Variants in AGL observed in about 807,000 individuals in gnomAD.
AGL encodes glycogen debranching enzyme.
AGL carries 128 observed loss-of-function variants against 199.3 expected under a neutral mutation model. The observed-to-expected ratio is 0.64, with a 90% CI of 0.56 to 0.74. The LOEUF (loss-of-function observed/expected upper bound fraction) is 0.74. AGL is among the 30% of genes least tolerant of loss of function. The pLI, the probability that AGL is intolerant of heterozygous loss-of-function variation, is 0.00. For synonymous variants in AGL, 584 were observed against 594.7 expected (o/e 0.98, Z 0.26); for missense variants, 1,809 against 1,820.8 (o/e 0.99, Z 0.12).
At chr1:99,857,989 A>G (rs984114592) in intron 2 of AGL, among the ~76,000 whole-genome samples, 2 of 152,248 alleles carry the variant, frequency 1.3e-5, no homozygotes, top group Non-Finnish European at 2.9e-5. Context: ...CAAACAAAAA[A>G]GGCATACTCA....
chr1:99,880,108 A>T, intron 13 of AGL, 62 bp downstream of exon 13: 1 of 1,604,268 alleles, frequency 6.2e-7, no homozygotes, highest in East Asian at 2.2e-5. Context: ...AGATTAAAGG[A>T]TTTAATAGCT....
At chr1:99,884,749 G>C (rs772003726) in intron 20 of AGL, 46 bp downstream of exon 20, 1 of 1,607,536 alleles carries the variant, frequency 6.2e-7, no homozygotes, top group South Asian at 1.1e-5. Context: ...TAATAAGTAA[G>C]TTACCACTAG....
intron 7 of AGL, among the ~76,000 whole-genome samples, chr1:99,873,849 C>G (rs1399398831): frequency 2.0e-5 from 3 of 152,056 alleles, no homozygotes; most frequent in Non-Finnish European, 4.4e-5. Flanking sequence ...ACTATGAAAC[C>G]CATTATTTTG....
chr1:99,889,667 C>G (rs1380811063), intron 21 of AGL, among the ~76,000 whole-genome samples: 3 of 152,124 alleles, frequency 2.0e-5, no homozygotes, highest in Non-Finnish European at 4.4e-5. Context: ...CATTTTCACT[C>G]TGAGTTGTTA....
At chr1:99,916,809 T>G in intron 33 of AGL, 78 bp downstream of exon 33, 1 of 1,504,304 alleles carries the variant, frequency 6.6e-7, no homozygotes, top group African/African-American at 1.4e-5. Flanking sequence ...TACAGTTTCT[T>G]AGAATTGATT....
At chr1:99,896,227 C>T in intron 24 of AGL, 59 bp from the exon 25 acceptor site, 1 of 1,386,370 alleles carries the variant, frequency 7.2e-7, no homozygotes, top group Admixed American at 1.7e-5. Context: ...TAATGGAGTT[C>T]ATAGGTTTGT....
Position 99,875,462 on chromosome 1 carries a change from C to G in AGL, c.1283+7C>G. 1 of 1,612,844 alleles carries G rather than the reference C, an allele frequency of 6.2e-7. No individual in the cohort carries two copies. Among genetic ancestry groups the G allele is most frequent in the Non-Finnish European group, 8.5e-7 (1 of 1,178,974 alleles). ...AGCATCCTTTAGTTACCAGGTGTTG[C>G]ATTTTTGTTTTTTTTCTTATTGATG... On this transcript the variant is annotated splice_region_variant and intron_variant, in intron 10 of 33. Coordinates refer to ENST00000361915, the MANE Select transcript of AGL (RefSeq NM_000642.3).
intron 27 of AGL, among the ~76,000 whole-genome samples, chr1:99,907,262 C>A (rs916526214): frequency 5.3e-5 from 8 of 151,992 alleles, no homozygotes; most frequent in African/African-American, 1.9e-4. Flanking sequence ...GATATTAACC[C>A]CTTATCATAC....
rs770338897 is a variant in AGL, at chr1:99,875,129, A to G, written c.1083-25A>G. The stretch of plus-strand genomic sequence containing the variant: ...AATCTGTAAAGCCATTAAATATTAT[A>G]TCTGCATTTCTCCATCTGCTCTAGC... On this transcript the variant is annotated intron_variant, in intron 8 of 33. Coordinates refer to ENST00000361915, the MANE Select transcript of AGL (RefSeq NM_000642.3). 4 of 1,583,206 alleles carry G rather than the reference A, an allele frequency of 2.5e-6. No homozygotes were observed. The South Asian group carries it at 3.3e-5, about 13-fold the overall frequency.
At chr1:99,864,660 A>C (rs1468485782) in intron 5 of AGL, 71 bp downstream of exon 5, 2 of 1,339,078 alleles carry the variant, frequency 1.5e-6, no homozygotes, top group African/African-American at 2.9e-5. Context: ...ACACACAAAT[A>C]AGAGAAAGGA....
rs765098686 is a variant in AGL at position 99,851,128 on chromosome 1, A to C, written c.82+4A>C. On this transcript the variant is annotated splice_donor_region_variant and intron_variant, in intron 2 of 33. Coordinates refer to ENST00000361915, the MANE Select transcript of AGL (RefSeq NM_000642.3). The stretch of plus-strand genomic sequence containing the variant: ...ACCCTCTTCAGACTTGAACAAGGTC[A>C]GTAGCAAGTTGTTTTGATTTGCTCA... 2.2e-4 allele frequency: 347 copies of C among 1,612,506 alleles called. 2 individuals are homozygous for C. Among genetic ancestry groups the C allele is most frequent in the Non-Finnish European group, 2.0e-4 (237 of 1,178,610 alleles).
In AGL at chr1:99,922,815, A is replaced by G. The variant is rs1266520297; in HGVS notation, c.*1164A>G. Reference sequence around the variant, plus strand: ...TAGTGGCAAGAATTCTTTCATTGCTATATAATATTCAGTGGCTCATTTATA... The same window carrying G: ...TAGTGGCAAGAATTCTTTCATTGCTGTATAATATTCAGTGGCTCATTTATA... On this transcript the variant is annotated 3_prime_UTR_variant, in exon 34 of 34. Coordinates refer to ENST00000361915, the MANE Select transcript of AGL (RefSeq NM_000642.3). 1 of 152,034 alleles carries G rather than the reference A, an allele frequency of 6.6e-6. No homozygotes were observed. The highest frequency in any genetic ancestry group is 2.4e-5 in the African/African-American group (1 of 41,434). The allele number at this position is 152,034 out of a possible 1,614,324, so 9.4% of individuals were successfully genotyped here. A position where few individuals can be genotyped will look rare whatever the true frequency, so the allele number is the denominator to read the frequency against.
intron 32 of AGL, 48 bp from the exon 33 acceptor site, chr1:99,916,550 T>A: frequency 6.2e-7 from 1 of 1,606,828 alleles, no homozygotes. Flanking sequence ...TTTCAAGTAA[T>A]TTTTAGGTAT....
At chr1:99,915,687 C>G (rs998839110) in intron 31 of AGL, among the ~76,000 whole-genome samples, 1 of 151,836 alleles carries the variant, frequency 6.6e-6, no homozygotes, top group Non-Finnish European at 1.5e-5. Context: ...AGGAGTATCA[C>G]TTGAGCCCAG....
At chr1:99,910,583 C>A in intron 27 of AGL, 129 bp from the exon 28 acceptor site, 1 of 365,238 alleles carries the variant, frequency 2.7e-6, no homozygotes, top group Non-Finnish European at 4.5e-6. Flanking sequence ...AATAAGATAC[C>A]ACCAAACTGA....
At chr1:99,892,699 A>G (rs756347688) in intron 24 of AGL, 92 bp downstream of exon 24, 24 of 1,246,104 alleles carry the variant, frequency 1.9e-5, no homozygotes, top group Non-Finnish European at 2.5e-5. Flanking sequence ...AAAAGCTTGT[A>G]ATGCTACTCA....
In AGL at chr1:99,909,462, A is replaced by G. The variant is rs115113327; in HGVS notation, c.3701-1250A>G. On this transcript the variant is annotated intron_variant, in intron 27 of 33. Transcript: ENST00000361915. Reference sequence around the variant, plus strand: ...TCCACTGACATTCCAGGGAGAAAGGACATCCATGGTGTTTACTGGCACAGG... The same window carrying G: ...TCCACTGACATTCCAGGGAGAAAGGGCATCCATGGTGTTTACTGGCACAGG... Among the ~76,000 whole-genome samples, 457 of 152,264 alleles carry G rather than the reference A, an allele frequency of 3.0e-3. 3 individuals are homozygous for G. The highest frequency in any genetic ancestry group is 0.011 in the African/African-American group (441 of 41,556).
chr1:99,867,198 T>C (rs555353391), intron 5 of AGL, among the ~76,000 whole-genome samples: 1 of 152,230 alleles, frequency 6.6e-6, no homozygotes, highest in Non-Finnish European at 1.5e-5. Flanking sequence ...ACTCTTTACG[T>C]AGTGAAACAA....
At chr1:99,911,853 TG>T (rs1654775187) in intron 28 of AGL, among the ~76,000 whole-genome samples, 2 of 152,076 alleles carry the variant, frequency 1.3e-5, no homozygotes, top group Admixed American at 6.6e-5. Context: ...GAGGTTGAGG[TG>T]GGAGGATAGC....
Sources: allele counts gnomAD v4.1 joint callset (sites outside exome capture counted in the v4.1 genomes callset), GRCh38; gene constraint gnomAD v4.1.1; transcripts MANE v1.5; gene names NCBI Gene and HGNC (gene_info 2026-07-23, HGNC 2026-07-21).